GLIS3: variants seen among roughly 807,000 people sequenced by gnomAD.
GLIS3 encodes zinc finger protein GLIS3.
In GLIS3, 53 loss-of-function variants were observed where a neutral mutation model predicts 78.6. That is an observed-to-expected ratio of 0.67 (90% confidence interval 0.54 to 0.85). The LOEUF (loss-of-function observed/expected upper bound fraction) is 0.85. Ranked by LOEUF, GLIS3 falls within the 40% of genes least tolerant of loss-of-function variation. The probability of loss-of-function intolerance (pLI) is 0.00; values close to 1 mark genes in which losing one functional copy is unlikely to be tolerated. For synonymous variants in GLIS3, 684 were observed against 509.9 expected (o/e 1.34, Z -4.60); for missense variants, 1,703 against 1,231.1 (o/e 1.38, Z -5.74).
At chr9:3,899,915 G>T (rs1429644154) in intron 6 of GLIS3, among the ~76,000 whole-genome samples, 3 of 152,168 alleles carry the variant, frequency 2.0e-5, no homozygotes, top group Admixed American at 2.0e-4. Flanking sequence ...ACAGTGAGTA[G>T]GAATAAGGGG....
intron 7 of GLIS3, among the ~76,000 whole-genome samples, chr9:3,896,146 C>G (rs796223893): frequency 6.6e-6 from 1 of 152,142 alleles, no homozygotes; most frequent in African/African-American, 2.4e-5. Flanking sequence ...TGGCTTCTTT[C>G]CATAGATCTA....
the GLIS3 span, among the ~76,000 whole-genome samples, chr9:4,399,627 A>T: frequency 6.6e-6 from 1 of 152,216 alleles, no homozygotes. Context: ...AAGATAATTT[A>T]TATCTAAATC....
the GLIS3 span, among the ~76,000 whole-genome samples, chr9:4,481,126 G>C: frequency 3.3e-5 from 5 of 152,076 alleles, no homozygotes; most frequent in African/African-American, 9.7e-5. Context: ...AAAGTGCTGG[G>C]ATTACAGGCA....
intron 6 of GLIS3, among the ~76,000 whole-genome samples, chr9:3,926,417 G>C (rs186372616): frequency 6.6e-6 from 1 of 151,502 alleles, no homozygotes; most frequent in African/African-American, 2.4e-5. Flanking sequence ...TTTTAGTAGA[G>C]ACGGGGGTTT....
At chr9:4,265,411 G>C (rs1393202607) in intron 2 of GLIS3, among the ~76,000 whole-genome samples, 1 of 151,832 alleles carries the variant, frequency 6.6e-6, no homozygotes, top group African/African-American at 2.4e-5. Context: ...GAAAGGGTAA[G>C]TCACTTGCTC....
chr9:4,323,050 T>C (rs929459384), intron 2 of GLIS3, among the ~76,000 whole-genome samples: 7 of 152,226 alleles, frequency 4.6e-5, no homozygotes, highest in Non-Finnish European at 2.9e-5. Context: ...ATTTTAGGTC[T>C]AACATTTAAG....
intron 7 of GLIS3, among the ~76,000 whole-genome samples, chr9:3,885,660 C>G (rs541904415): frequency 5.7e-4 from 87 of 152,238 alleles, no homozygotes; most frequent in South Asian, 3.9e-3. Flanking sequence ...CACAGGGACA[C>G]TGAAAAGAAT....
intron 4 of GLIS3, among the ~76,000 whole-genome samples, chr9:4,100,882 C>T (rs1830320689): frequency 6.6e-6 from 1 of 152,060 alleles, no homozygotes; most frequent in Non-Finnish European, 1.5e-5. Context: ...GCATGGCACC[C>T]CTCCTGGAAC....
At chr9:4,050,391 G>T (rs1825650622) in intron 4 of GLIS3, among the ~76,000 whole-genome samples, 1 of 152,046 alleles carries the variant, frequency 6.6e-6, no homozygotes, top group Admixed American at 6.6e-5. Flanking sequence ...GGTGGGAATT[G>T]AACAATGAGA....
At chr9:4,402,824 G>C in the GLIS3 span, among the ~76,000 whole-genome samples, 2 of 152,112 alleles carry the variant, frequency 1.3e-5, no homozygotes, top group Non-Finnish European at 2.9e-5. Context: ...AGAAGATCTA[G>C]AAAATAGTCT....
the GLIS3 span, among the ~76,000 whole-genome samples, chr9:4,371,334 G>A: frequency 1.3e-5 from 2 of 152,120 alleles, no homozygotes; most frequent in Non-Finnish European, 2.9e-5. Context: ...CTTATGGGCT[G>A]TCCCCGAAGG....
At chr9:4,001,634 C>T (rs1464950057) in intron 4 of GLIS3, among the ~76,000 whole-genome samples, 1 of 152,170 alleles carries the variant, frequency 6.6e-6, no homozygotes, top group African/African-American at 2.4e-5. Context: ...TCAAATTAAG[C>T]CTTCTCTTAA....
chr9:4,371,517 A>G, the GLIS3 span, among the ~76,000 whole-genome samples: 2 of 152,192 alleles, frequency 1.3e-5, no homozygotes, highest in Non-Finnish European at 2.9e-5. Flanking sequence ...CAGTAACAGC[A>G]GTTCAGATGG....
chr9:4,270,779 G>A (rs151119723), intron 2 of GLIS3, among the ~76,000 whole-genome samples: 4 of 152,288 alleles, frequency 2.6e-5, no homozygotes, highest in African/African-American at 4.8e-5. Context: ...CGATACCAAT[G>A]GCTCTCCCAG....
At chr9:4,215,863 A>C (rs562881063) in intron 2 of GLIS3, among the ~76,000 whole-genome samples, 9 of 152,222 alleles carry the variant, frequency 5.9e-5, no homozygotes, top group Non-Finnish European at 8.8e-5. Context: ...CACACTCAGT[A>C]GTTTTCAATA....
chr9:3,876,707 A>G (rs1554636797), intron 8 of GLIS3, among the ~76,000 whole-genome samples: 17 of 46,294 alleles, frequency 3.7e-4, no homozygotes, highest in South Asian at 8.2e-4. Flanking sequence ...AGGGAGGGGA[A>G]GGAAAGAAAG....
chr9:4,014,711 C>A (rs890296530), intron 4 of GLIS3, among the ~76,000 whole-genome samples: 13 of 152,170 alleles, frequency 8.5e-5, no homozygotes, highest in African/African-American at 3.1e-4. Flanking sequence ...TTAAGCCACC[C>A]AATTTGGGGT....
chr9:4,257,585 A>G (rs6476831), intron 2 of GLIS3, among the ~76,000 whole-genome samples: 122,963 of 151,460 alleles, frequency 0.81, 50,416 homozygotes, highest in East Asian at 0.98. Flanking sequence ...TGTTGTTGTT[A>G]TTTTTTGAGA....
intron 6 of GLIS3, among the ~76,000 whole-genome samples, chr9:3,915,286 A>G (rs1824432630): frequency 1.3e-5 from 2 of 152,248 alleles, no homozygotes; most frequent in South Asian, 4.2e-4. Context: ...CCCCTCTCAA[A>G]AAAACAAAAT....
Sources: allele counts gnomAD v4.1 joint callset (sites outside exome capture counted in the v4.1 genomes callset), GRCh38; gene constraint gnomAD v4.1.1; transcripts MANE v1.5; gene names NCBI Gene and HGNC (gene_info 2026-07-23, HGNC 2026-07-21).